Variants in PRELID2 observed in about 807,000 individuals in gnomAD.
The protein encoded by PRELID2 is PRELI domain containing 2, also known as PRELI domain-containing protein 2.
In PRELID2, 25 loss-of-function variants were observed where a neutral mutation model predicts 28.4. That is an observed-to-expected ratio of 0.88 (90% CI 0.64 to 1.23). PRELID2 has a LOEUF of 1.23. Ranked by LOEUF, PRELID2 falls within the 50% of genes most tolerant of loss-of-function variation. The pLI is 0.00. For synonymous variants in PRELID2, 76 were observed against 71.6 expected, an observed-to-expected ratio of 1.06 and a Z score of -0.31; for missense variants, 201 against 214.4, an observed-to-expected ratio of 0.94 and a Z score of 0.39.
downstream of PRELID2, among the ~76,000 whole-genome samples, chr5:145,468,414 T>C (rs923179378): frequency 1.3e-5 from 2 of 152,220 alleles, no homozygotes; most frequent in African/African-American, 4.8e-5. Context: ...TGATTTATAA[T>C]CCTTTGGGTA....
At chr5:145,419,142 G>C in the PRELID2 span, among the ~76,000 whole-genome samples, 1 of 150,270 alleles carries the variant, frequency 6.7e-6, no homozygotes, top group Admixed American at 6.6e-5. Context: ...TTGGACATTT[G>C]GGTTGGTTCC....
intron 1 of PRELID2, among the ~76,000 whole-genome samples, chr5:145,744,632 A>C (rs930102967): frequency 6.6e-6 from 1 of 152,184 alleles, no homozygotes; most frequent in Non-Finnish European, 1.5e-5. Flanking sequence ...TCACCATTTA[A>C]AGAAAAACAA....
the PRELID2 span, among the ~76,000 whole-genome samples, chr5:145,300,588 A>G: frequency 4.6e-5 from 7 of 152,124 alleles, no homozygotes; most frequent in South Asian, 1.5e-3. Flanking sequence ...TTAAAATATT[A>G]TATAACTATA....
chr5:145,824,244 G>C (rs1755019374), intron 1 of PRELID2, among the ~76,000 whole-genome samples: 1 of 152,132 alleles, frequency 6.6e-6, no homozygotes, highest in Non-Finnish European at 1.5e-5. Context: ...AATCTGAAAA[G>C]AAAATTGGCA....
the PRELID2 span, among the ~76,000 whole-genome samples, chr5:145,425,812 C>T: frequency 2.0e-5 from 3 of 151,878 alleles, no homozygotes; most frequent in Non-Finnish European, 4.4e-5. Context: ...AACAAACCTG[C>T]ACATCCTGCA....
At chr5:145,568,129 G>A (rs193067630) in intron 1 of PRELID2, among the ~76,000 whole-genome samples, 1 of 152,264 alleles carries the variant, frequency 6.6e-6, no homozygotes, top group African/African-American at 2.4e-5. Flanking sequence ...AGAAAGAAAA[G>A]TGTTTAGCCA....
Position 145,481,761 on chromosome 5 carries a change from C to T in PRELID2, n.71-8446G>A, listed in dbSNP as rs1469663200. ...TGGCTCTGGAATCCTCTCATTTCAA[C>T]AAACATCAGAATGCCTCATATATAC... On this transcript the variant is annotated intron_variant and non_coding_transcript_variant, in intron 1 of 2. Transcript: ENST00000510259. Among the ~76,000 whole-genome samples, 4 of 150,406 alleles carry T rather than the reference C, an allele frequency of 2.7e-5. No homozygotes were observed. The South Asian group carries it at 8.4e-4, about 32-fold the overall frequency.
chr5:145,665,891 T>C (rs1018860228), intron 1 of PRELID2, among the ~76,000 whole-genome samples: 2 of 151,866 alleles, frequency 1.3e-5, no homozygotes, highest in Non-Finnish European at 2.9e-5. Flanking sequence ...TGGCACTTTT[T>C]ATATCATAGT....
At chr5:145,337,733 T>TATATATA in the PRELID2 span, among the ~76,000 whole-genome samples, 2 of 96,064 alleles carry the variant, frequency 2.1e-5, no homozygotes, top group Admixed American at 1.2e-4. Flanking sequence ...ATATATATAC[T>TATATATA]CACACACACA....
chr5:145,343,722 A>G, the PRELID2 span, among the ~76,000 whole-genome samples: 1 of 151,908 alleles, frequency 6.6e-6, no homozygotes, highest in Admixed American at 6.6e-5. Flanking sequence ...AAATAAAACA[A>G]AAAATTAGTG....
chr5:145,657,075 TAAG>T (rs1754408606), intron 1 of PRELID2, among the ~76,000 whole-genome samples: 1 of 152,116 alleles, frequency 6.6e-6, no homozygotes, highest in African/African-American at 2.4e-5. Context: ...TTTGTAGAAA[TAAG>T]AAAGTATTCA....
chr5:145,490,978 C>T (rs1385402232), intron 1 of PRELID2, among the ~76,000 whole-genome samples: 4 of 149,914 alleles, frequency 2.7e-5, no homozygotes, highest in Non-Finnish European at 5.9e-5. Flanking sequence ...GATTTTTCTG[C>T]TCCTACCAAC....
chr5:145,799,030 A>T (rs1489449377), intron 4 of PRELID2, among the ~76,000 whole-genome samples: 1 of 150,428 alleles, frequency 6.6e-6, no homozygotes. Flanking sequence ...AATAAAATAT[A>T]TATATATATA....
At chr5:145,657,556 G>C (rs1378445349) in intron 1 of PRELID2, among the ~76,000 whole-genome samples, 5 of 152,070 alleles carry the variant, frequency 3.3e-5, no homozygotes, top group Admixed American at 3.3e-4. Flanking sequence ...GTGGTGGCAC[G>C]CACCTGTGGT....
chr5:145,435,223 T>C, the PRELID2 span, among the ~76,000 whole-genome samples: 1 of 151,976 alleles, frequency 6.6e-6, no homozygotes, highest in Non-Finnish European at 1.5e-5. Context: ...AATAGAAAAA[T>C]TAGAGTAACT....
At chr5:145,713,350 T>TTATATATATATATATATATATA (rs148194664) in intron 1 of PRELID2, among the ~76,000 whole-genome samples, 1,923 of 124,058 alleles carry the variant, frequency 0.016, 36 homozygotes, top group Middle Eastern at 0.026. Context: ...ATATCTGACT[T>TTATATATATATATATATATATA]TATATATATA....
intron 2 of PRELID2, among the ~76,000 whole-genome samples, chr5:145,820,271 T>C (rs142275165): frequency 4.9e-4 from 74 of 152,226 alleles, no homozygotes; most frequent in African/African-American, 1.7e-3. Context: ...ATTTGCAAGA[T>C]TCCTACAGAA....
the PRELID2 span, among the ~76,000 whole-genome samples, chr5:145,435,787 G>A: frequency 6.6e-6 from 1 of 152,144 alleles, no homozygotes; most frequent in Non-Finnish European, 1.5e-5. Flanking sequence ...ACTATGATAG[G>A]TAAGCAGTTG....
intron 4 of PRELID2, among the ~76,000 whole-genome samples, chr5:145,808,749 G>A (rs1265611745): frequency 2.0e-5 from 3 of 151,992 alleles, no homozygotes; most frequent in Non-Finnish European, 4.4e-5. Context: ...AGCCAGGCAT[G>A]GTAGCACACA....
Sources: gnomAD v4.1 joint callset for allele counts (sites outside exome capture counted in the v4.1 genomes callset) on GRCh38, gnomAD v4.1.1 for gene constraint, MANE v1.5 for transcripts, NCBI Gene and HGNC (gene_info 2026-07-23, HGNC 2026-07-21) for gene names.